RPS8: variants seen among roughly 807,000 people sequenced by gnomAD.
RPS8 encodes the protein small ribosomal subunit protein eS8.
For missense variants in RPS8, 141 were observed against 269.7 expected (o/e 0.52, Z 3.34); for synonymous variants, 100 against 100.7 (o/e 0.99, Z 0.04).
chr1:44,778,175 T>C, intron 5 of RPS8, 46 bp downstream of exon 5: 2 of 1,588,000 alleles, frequency 1.3e-6, no homozygotes, highest in Non-Finnish European at 1.7e-6. Context: ...AGAGATTGAG[T>C]GTGCCGAGGC....
intron 2 of RPS8, 130 bp from the exon 3 acceptor site, chr1:44,776,545 G>A (rs905063752): frequency 1.2e-5 from 10 of 822,068 alleles, no homozygotes; most frequent in African/African-American, 1.2e-4. Context: ...TTGGTCACCT[G>A]TGTGCCACTT....
rs748415930 is a variant in RPS8 at position 44,778,707 on chromosome 1, A to T, written c.*22A>T. The T allele has an allele frequency of 2.0e-6, 3 of 1,489,808 alleles. No individual in the cohort carries two copies. In the African/African-American group the frequency reaches 4.1e-5, roughly 21 times the overall value. 92.3% of individuals were successfully genotyped at this position (1,489,808 alleles called of 1,614,324 possible). A position where few individuals can be genotyped will look rare whatever the true frequency, so the allele number is the denominator to read the frequency against. ...ATAAATCCTTGTTTTGTCTTCACCC[A>T]TGTAATAAAGGTGTTTATTGTTTTG... On this transcript the variant is annotated 3_prime_UTR_variant, in exon 6 of 6. Coordinates refer to ENST00000396651, the MANE Select transcript of RPS8 (RefSeq NM_001012.2).
At chr1:44,777,193 T>C in intron 3 of RPS8, 2 of 209,372 alleles carry the variant, frequency 9.6e-6, no homozygotes, top group South Asian at 7.6e-5. Context: ...TGCCTCAGCC[T>C]CCCAAGAAGC....
intron 5 of RPS8, 85 bp from the exon 6 acceptor site, chr1:44,778,491 G>A (rs952252328): frequency 1.8e-6 from 2 of 1,114,468 alleles, no homozygotes; most frequent in African/African-American, 3.1e-5. Context: ...CAGGGTACCT[G>A]AACCCACAGA....
intron 5 of RPS8, 23 bp from the exon 6 acceptor site, chr1:44,778,553 A>G (rs755756077): frequency 2.5e-6 from 4 of 1,595,446 alleles, no homozygotes; most frequent in Admixed American, 1.7e-5. Context: ...TCGTTGTGCT[A>G]AGGATCACCT....
intron 3 of RPS8, chr1:44,777,403 A>G: frequency 1.8e-6 from 1 of 566,906 alleles, no homozygotes; most frequent in East Asian, 3.0e-5. Flanking sequence ...GCAGCCTGAG[A>G]GATTGGGGCT....
chr1:44,777,848 T>C, intron 4 of RPS8, 59 bp downstream of exon 4: 1 of 1,591,006 alleles, frequency 6.3e-7, no homozygotes, highest in South Asian at 1.1e-5. Flanking sequence ...AGCCTTCTCG[T>C]GATGAAAACT....
intron 4 of RPS8, 87 bp from the exon 5 acceptor site, chr1:44,777,913 G>C: frequency 6.3e-7 from 1 of 1,578,756 alleles, no homozygotes; most frequent in Non-Finnish European, 8.7e-7. Context: ...GGCTGAGGAA[G>C]GCCAGCACTG....
At chr1:44,776,188 C>T (rs748766231) in intron 2 of RPS8, 48 bp downstream of exon 2, 1 of 1,360,930 alleles carries the variant, frequency 7.3e-7, no homozygotes, top group Non-Finnish European at 1.0e-6. Flanking sequence ...CCTTCCCCCG[C>T]TCTCCAGCGT....
chr1:44,778,235 G>A (rs1650929149), intron 5 of RPS8, 106 bp downstream of exon 5: 6 of 1,398,542 alleles, frequency 4.3e-6, no homozygotes, highest in South Asian at 3.6e-5. Context: ...CAGTCTAAAG[G>A]GTTCACTGAT....
At chr1:44,777,427 G>C in intron 3 of RPS8, 187 bp from the exon 4 acceptor site, 1 of 601,276 alleles carries the variant, frequency 1.7e-6, no homozygotes, top group Non-Finnish European at 3.0e-6. Context: ...AAAGACTGCG[G>C]GTTGCCAAAC....
rs1650908594 is a variant in RPS8, at chr1:44,777,744, G to A, written c.342G>A (p.Glu114=). Residue 114 remains glutamate (E), a synonymous_variant, in exon 4 of 6, where the codon GAG becomes GAA. Coordinates refer to ENST00000396651, the MANE Select transcript of RPS8 (RefSeq NM_001012.2). ...GCACACCGTACCGACAGTGGTACGA[G>A]TCCCACTATGCGCTGCCCCTGGGCC... ...IDSTPYRQWY[E]SHYALPLGRK... 6.2e-7 allele frequency: 1 copy of A among 1,614,058 alleles called. No individual in the cohort carries two copies. Among genetic ancestry groups the A allele is most frequent in the South Asian group, 1.1e-5 (1 of 91,084 alleles).
Position 44,775,691 on chromosome 1 carries a change from C to T in RPS8, c.4+91C>T, listed in dbSNP as rs1471844481. On this transcript the variant is annotated intron_variant, in intron 1 of 5. Transcript: ENST00000396651. ...CACAGCCTACTGAGGAGTCCAGACG[C>T]CCCGACCCCCGGCCAGGGACAGCCA... 2.9e-5 allele frequency: 44 copies of T among 1,529,350 alleles called. 1 individual carries two copies. Among genetic ancestry groups the T allele is most frequent in the East Asian group, 2.2e-5 (1 of 44,488 alleles). 94.7% of individuals were successfully genotyped at this position (1,529,350 alleles called of 1,614,324 possible).
At chr1:44,777,557 T>C in intron 3 of RPS8, 57 bp from the exon 4 acceptor site, 1 of 1,399,594 alleles carries the variant, frequency 7.1e-7, no homozygotes. Flanking sequence ...CCTGGAGGAG[T>C]GTGCCAGGGC....
At chr1:44,776,876 C>G in intron 3 of RPS8, 102 bp downstream of exon 3, 12 of 797,654 alleles carry the variant, frequency 1.5e-5, no homozygotes, top group Non-Finnish European at 2.3e-5. Context: ...AAGCCCAGCA[C>G]GTTGGGAGGC....
In RPS8 at chr1:44,778,323, A is replaced by C. The variant is rs957420214; in HGVS notation, c.517+194A>C. On this transcript the variant is annotated intron_variant, in intron 5 of 5. Transcript: ENST00000396651. ...TGAAATGGGAAGCATTGGGTAGAAG[A>C]GTCTGCATAGGCCCGTGCTTGGAGT... 3 of 839,058 alleles carry C rather than the reference A, an allele frequency of 3.6e-6. No individual in the cohort carries two copies. The African/African-American group carries it at 5.0e-5, about 14-fold the overall frequency. 52.0% of individuals were successfully genotyped at this position (839,058 alleles called of 1,614,324 possible). A position where few individuals can be genotyped will look rare whatever the true frequency, so the allele number is the denominator to read the frequency against.
Position 44,777,745 on chromosome 1 carries a change from T to G in RPS8, c.343T>G (p.Ser115Ala). The change falls in exon 4 of 6, where the codon TCC becomes GCC. Residue 115 changes from serine to alanine, a missense_variant. By Grantham distance (99) the Ser-to-Ala change is moderately conservative. Coordinates refer to ENST00000396651, the MANE Select transcript of RPS8 (RefSeq NM_001012.2). ...CACACCGTACCGACAGTGGTACGAGTCCCACTATGCGCTGCCCCTGGGCCG... is the reference window on the plus strand; with the variant it reads ...CACACCGTACCGACAGTGGTACGAGGCCCACTATGCGCTGCCCCTGGGCCG... Reference protein sequence around the residue: ...DSTPYRQWYESHYALPLGRKK... With the variant: ...DSTPYRQWYEAHYALPLGRKK... 1.2e-6 allele frequency: 2 copies of G among 1,614,048 alleles called. No individual in the cohort carries two copies. The highest frequency in any genetic ancestry group is 1.7e-6 in the Non-Finnish European group (2 of 1,179,974).
chr1:44,778,173 A>G (rs759761705), intron 5 of RPS8, 44 bp downstream of exon 5: 6 of 1,587,980 alleles, frequency 3.8e-6, no homozygotes, highest in East Asian at 2.3e-5. Flanking sequence ...GCAGAGATTG[A>G]GTGTGCCGAG....
At chr1:44,778,512 C>T (rs893010253) in intron 5 of RPS8, 64 bp from the exon 6 acceptor site, 5 of 1,290,010 alleles carry the variant, frequency 3.9e-6, no homozygotes, top group East Asian at 2.3e-5. Flanking sequence ...GATTCTTAAG[C>T]GGGTGGAGAG....
Sources: gnomAD v4.1 joint callset for allele counts on GRCh38, gnomAD v4.1.1 for gene constraint, MANE v1.5 for transcripts, NCBI Gene and HGNC (gene_info 2026-07-23, HGNC 2026-07-21) for gene names.